Variants in TTC39C observed in about 807,000 individuals in gnomAD.
TTC39C encodes the protein tetratricopeptide repeat domain 39C, also known as tetratricopeptide repeat protein 39C.
A neutral mutation model predicts 76.3 loss-of-function variants in TTC39C; 33 were observed. The ratio of observed to expected loss-of-function variants is 0.43; its 90% CI spans 0.33 to 0.58. The LOEUF (loss-of-function observed/expected upper bound fraction) is 0.58, where lower values mean the gene tolerates loss of function less well. Ranked by LOEUF, TTC39C falls within the 20% of genes least tolerant of loss-of-function variation. The pLI is 0.04. For synonymous variants in TTC39C, 254 were observed against 260.6 expected, an observed-to-expected ratio of 0.97 and a Z score of 0.24; for missense variants, 595 against 701.4, an observed-to-expected ratio of 0.85 and a Z score of 1.71.
chr18:24,025,670 A>G (rs943584395), intron 1 of TTC39C, among the ~76,000 whole-genome samples: 1 of 152,134 alleles, frequency 6.6e-6, no homozygotes, highest in South Asian at 2.1e-4. Flanking sequence ...CCATTCCACT[A>G]CAGTCATCAT....
At chr18:24,040,724 A>G (rs949197230) in intron 1 of TTC39C, among the ~76,000 whole-genome samples, 2 of 152,210 alleles carry the variant, frequency 1.3e-5, no homozygotes, top group Non-Finnish European at 2.9e-5. Context: ...GGTGAAGGGC[A>G]TCTAGCGCGC....
chr18:24,101,498 G>A lies in TTC39C; in HGVS notation c.985-13056G>A, dbSNP rs543575366. On this transcript the variant is annotated intron_variant, in intron 6 of 13. Coordinates refer to ENST00000317571, the MANE Select transcript of TTC39C (RefSeq NM_001135993.2). ...CGCTTGAACCCAGGAGGTGGAGGTC[G>A]CAGTGAGTCGATATTGTGCCACTGC... is the stretch of plus-strand genomic sequence containing the variant. Among the ~76,000 whole-genome samples the A allele has an allele frequency of 5.9e-5, 9 of 151,694 alleles. No individual in the cohort carries two copies. The East Asian group carries it at 1.6e-3, about 26-fold the overall frequency.
At chr18:24,004,537 G>A (rs1343527097) in intron 1 of TTC39C, among the ~76,000 whole-genome samples, 3 of 152,144 alleles carry the variant, frequency 2.0e-5, no homozygotes, top group Admixed American at 6.5e-5. Context: ...GTGTGGGCGT[G>A]TCTCCTTCTG....
chr18:24,125,297 T>G, intron 9 of TTC39C, 130 bp from the exon 10 acceptor site: 2 of 1,169,390 alleles, frequency 1.7e-6, no homozygotes, highest in Admixed American at 2.8e-5. Flanking sequence ...GAAGAATTGT[T>G]ATTCTTAGCT....
intron 7 of TTC39C, 134 bp downstream of exon 7, chr18:24,114,781 G>A (rs746552129): frequency 6.7e-5 from 41 of 609,398 alleles, no homozygotes; most frequent in East Asian, 2.3e-4. Context: ...AGTTATTCCC[G>A]TAGCACATGC....
chr18:24,116,975 A>G (rs1431976628), intron 7 of TTC39C, among the ~76,000 whole-genome samples: 2 of 151,644 alleles, frequency 1.3e-5, no homozygotes, highest in South Asian at 2.1e-4. Flanking sequence ...ACAGGCGTGC[A>G]CCACCACACC....
At chr18:24,113,918 T>A (rs150737616) in intron 6 of TTC39C, 1 of 512,354 alleles carries the variant, frequency 2.0e-6, no homozygotes, top group African/African-American at 1.9e-5. Flanking sequence ...TCAGGGAATT[T>A]CTGAAGTGTC....
chr18:24,035,877 TTC>T (rs887164385), intron 1 of TTC39C, among the ~76,000 whole-genome samples: 60 of 152,094 alleles, frequency 3.9e-4, no homozygotes, highest in African/African-American at 1.4e-3. Flanking sequence ...ATGAAGCTTT[TTC>T]TCTGTTTTCT....
intron 3 of TTC39C, among the ~76,000 whole-genome samples, chr18:24,067,827 A>G (rs1009941597): frequency 1.3e-5 from 2 of 152,152 alleles, no homozygotes; most frequent in Non-Finnish European, 2.9e-5. Flanking sequence ...CTCACCAGCC[A>G]TTGCCATTAT....
chr18:24,025,030 G>A (rs1350011456), intron 1 of TTC39C, among the ~76,000 whole-genome samples: 7 of 152,002 alleles, frequency 4.6e-5, no homozygotes, highest in Non-Finnish European at 7.4e-5. Flanking sequence ...CGCCACACCC[G>A]GCTAATTTTT....
At chr18:24,010,783 C>CA (rs1174328492), upstream of TTC39C, among the ~76,000 whole-genome samples, 1 of 152,180 alleles carries the variant, frequency 6.6e-6, no homozygotes, top group Non-Finnish European at 1.5e-5. Context: ...ATGGGTGGCT[C>CA]ATGCCTGTAA....
At chr18:24,002,628 T>C (rs962848288) in intron 1 of TTC39C, among the ~76,000 whole-genome samples, 5 of 152,172 alleles carry the variant, frequency 3.3e-5, no homozygotes, top group African/African-American at 9.7e-5. Flanking sequence ...TTTGGCATTG[T>C]GAGACAGGAA....
intron 1 of TTC39C, among the ~76,000 whole-genome samples, chr18:24,024,014 A>ATTTTTTT (rs1359475527): frequency 3.2e-4 from 2 of 6,228 alleles, no homozygotes; most frequent in Admixed American, 3.3e-3. Context: ...ATATATATAT[A>ATTTTTTT]TATTTTTTTT....
Position 24,130,371 on chromosome 18 carries a change from C to T in TTC39C, c.1577C>T (p.Pro526Leu), listed in dbSNP as rs903109406. 2.5e-6 allele frequency: 4 copies of T among 1,585,638 alleles called. No individual in the cohort carries two copies. The highest frequency in any genetic ancestry group is 1.4e-5 in the African/African-American group (1 of 73,494). Residue 526 changes from proline (P) to leucine (L), a missense_variant, in exon 12 of 14, where the codon CCG becomes CTG. Pro to Leu is a moderately conservative substitution (Grantham distance 98, BLOSUM62 -3). Transcript: ENST00000317571. ...CGTCAGAATAACTTATATGTTCAGC[C>T]GTATGCCTGTTATGAACTTGGCTGT... ...LCRQNNLYVQ[P>L]YACYELGCLL...
intron 6 of TTC39C, among the ~76,000 whole-genome samples, chr18:24,113,011 G>A (rs1403556054): frequency 6.6e-6 from 1 of 152,026 alleles, no homozygotes; most frequent in Non-Finnish European, 1.5e-5. Context: ...AACAGTCAGT[G>A]TCAATGTCTG....
upstream of TTC39C, among the ~76,000 whole-genome samples, chr18:24,011,776 G>A (rs1466591044): frequency 6.6e-6 from 1 of 152,130 alleles, no homozygotes; most frequent in Non-Finnish European, 1.5e-5. Flanking sequence ...TCCACCACTC[G>A]CTGGCTTTTC....
intron 4 of TTC39C, 124 bp from the exon 5 acceptor site, chr18:24,080,461 T>C: frequency 1.5e-6 from 1 of 683,534 alleles, no homozygotes; most frequent in Non-Finnish European, 2.4e-6. Flanking sequence ...CAACAATAGA[T>C]ACTAATTTTT....
At chr18:24,040,527 G>C (rs1397918271) in intron 1 of TTC39C, among the ~76,000 whole-genome samples, 1 of 152,018 alleles carries the variant, frequency 6.6e-6, no homozygotes. Context: ...CTTATTTCAT[G>C]TAGTTACATA....
chr18:24,001,301 G>T (rs1343989163), intron 1 of TTC39C, among the ~76,000 whole-genome samples: 1 of 152,202 alleles, frequency 6.6e-6, no homozygotes, highest in Non-Finnish European at 1.5e-5. Flanking sequence ...GGTTCAGATA[G>T]AAACTGCTGA....
Sources: gnomAD v4.1 joint callset for allele counts (sites outside exome capture counted in the v4.1 genomes callset) on GRCh38, gnomAD v4.1.1 for gene constraint, MANE v1.5 for transcripts, NCBI Gene and HGNC (gene_info 2026-07-23, HGNC 2026-07-21) for gene names.